Variants in CMSS1 observed in about 807,000 individuals in gnomAD.
The protein encoded by CMSS1 is protein CMSS1.
Under a neutral mutation model 43.5 loss-of-function variants are expected in CMSS1, and 33 were observed. That is an observed-to-expected ratio of 0.76 (90% confidence interval 0.57 to 1.01). The LOEUF (loss-of-function observed/expected upper bound fraction) is 1.01. Ranked by LOEUF, CMSS1 falls within the 50% of genes least tolerant of loss-of-function variation. CMSS1 has a pLI of 0.00. For missense variants in CMSS1, 313 were observed against 326.4 expected, an observed-to-expected ratio of 0.96 and a Z score of 0.32; for synonymous variants, 115 against 117.2, an observed-to-expected ratio of 0.98 and a Z score of 0.12.
intron 1 of CMSS1, chr3:99,964,518 G>C (rs182953909): frequency 6.6e-6 from 1 of 152,436 alleles, no homozygotes; most frequent in East Asian, 2.0e-4. Context: ...TAGTGAGAAA[G>C]CCTGTGCCAA....
chr3:100,083,541 C>T (rs768341173), intron 1 of CMSS1, among the ~76,000 whole-genome samples: 2 of 152,152 alleles, frequency 1.3e-5, no homozygotes, highest in Non-Finnish European at 2.9e-5. Context: ...GACATTTTCC[C>T]GTCTTGTCTC....
chr3:99,966,411 G>A (rs1708653198), intron 1 of CMSS1, among the ~76,000 whole-genome samples: 1 of 151,530 alleles, frequency 6.6e-6, no homozygotes. Flanking sequence ...TTTTTTTTCG[G>A]CTATATATAG....
intron 3 of CMSS1, among the ~76,000 whole-genome samples, chr3:100,160,989 C>G (rs2067018568): frequency 6.6e-6 from 1 of 152,182 alleles, no homozygotes; most frequent in Non-Finnish European, 1.5e-5. Context: ...GTCAAAAAAG[C>G]TCCCCTACCT....
chr3:100,141,163 G>A (rs2066801412), intron 1 of CMSS1, among the ~76,000 whole-genome samples: 1 of 144,236 alleles, frequency 6.9e-6, no homozygotes. Context: ...AGGCACATCT[G>A]TGTCATGATC....
At chr3:100,079,858 ATAAC>A (rs1487878931) in intron 1 of CMSS1, among the ~76,000 whole-genome samples, 5 of 152,222 alleles carry the variant, frequency 3.3e-5, no homozygotes, top group African/African-American at 4.8e-5. Flanking sequence ...TATTTAAAAA[ATAAC>A]TAACATAAAA....
chr3:99,835,252 T>G (rs552489218), intron 1 of CMSS1, among the ~76,000 whole-genome samples: 2 of 152,348 alleles, frequency 1.3e-5, no homozygotes, highest in African/African-American at 4.8e-5. Flanking sequence ...CACTCACATG[T>G]CCTTTATCCT....
chr3:100,168,914 TACACAC>T (rs534018826), intron 6 of CMSS1, among the ~76,000 whole-genome samples: 3 of 149,934 alleles, frequency 2.0e-5, no homozygotes, highest in Non-Finnish European at 4.5e-5. Context: ...CACATATATA[TACACAC>T]ACACACACAC....
At chr3:100,083,619 A>G (rs2065963940) in intron 1 of CMSS1, among the ~76,000 whole-genome samples, 1 of 152,196 alleles carries the variant, frequency 6.6e-6, no homozygotes, top group Non-Finnish European at 1.5e-5. Flanking sequence ...ATGCTTCTTT[A>G]TCTTGTTTGA....
At chr3:100,140,934 A>G (rs1372734955) in intron 1 of CMSS1, among the ~76,000 whole-genome samples, 1 of 152,204 alleles carries the variant, frequency 6.6e-6, no homozygotes, top group East Asian at 1.9e-4. Flanking sequence ...AAGAAAAAAC[A>G]TAGTTTCTTT....
At chr3:100,151,881 T>C (rs971337476) in intron 2 of CMSS1, among the ~76,000 whole-genome samples, 1 of 152,178 alleles carries the variant, frequency 6.6e-6, no homozygotes, top group Non-Finnish European at 1.5e-5. Context: ...CCAGGTGCAG[T>C]TGGGGCTCCT....
chr3:99,875,358 C>A (rs1705458609), intron 1 of CMSS1, among the ~76,000 whole-genome samples: 1 of 152,094 alleles, frequency 6.6e-6, no homozygotes, highest in Admixed American at 6.5e-5. Context: ...TTTAAATTGG[C>A]ATTTTTTACA....
At chr3:100,035,178 T>A (rs2065085925) in intron 1 of CMSS1, among the ~76,000 whole-genome samples, 1 of 152,240 alleles carries the variant, frequency 6.6e-6, no homozygotes, top group South Asian at 2.1e-4. Flanking sequence ...ATGAAAGCCA[T>A]CTACATTTTC....
rs570370378 is a variant in CMSS1, at chr3:100,041,839, T to A, written c.65-105134T>A. On this transcript the variant is annotated intron_variant, in intron 1 of 9. Transcript: ENST00000421999. ...GCCTTGATTTATCTCACCTTTTTCTTCTTTCAACATGAAAGTATATCACAT... is the reference window on the plus strand; with the variant it reads ...GCCTTGATTTATCTCACCTTTTTCTACTTTCAACATGAAAGTATATCACAT... Among the ~76,000 whole-genome samples the A allele has an allele frequency of 3.9e-5, 6 of 152,280 alleles. No homozygotes were observed. In the South Asian group the frequency reaches 1.2e-3, roughly 32 times the overall value.
intron 1 of CMSS1, among the ~76,000 whole-genome samples, chr3:100,132,742 C>A (rs2066719281): frequency 6.7e-6 from 1 of 149,778 alleles, no homozygotes; most frequent in Non-Finnish European, 1.5e-5. Flanking sequence ...TGGTGTGAAC[C>A]CAGGAGGTGG....
At chr3:99,917,962 TTTG>T (rs1455117550) in intron 1 of CMSS1, among the ~76,000 whole-genome samples, 1 of 151,926 alleles carries the variant, frequency 6.6e-6, no homozygotes, top group Non-Finnish European at 1.5e-5. Flanking sequence ...CCCTTGTTTG[TTTG>T]TTTTTTGTTT....
chr3:99,819,172 C>T (rs1942382882), intron 1 of CMSS1, among the ~76,000 whole-genome samples: 1 of 152,360 alleles, frequency 6.6e-6, no homozygotes, highest in Middle Eastern at 3.4e-3. Context: ...AAGCAGATGT[C>T]ATTTTTAGAA....
intron 1 of CMSS1, among the ~76,000 whole-genome samples, chr3:99,922,039 A>C (rs1707141425): frequency 6.6e-6 from 1 of 152,174 alleles, no homozygotes. Context: ...CTCTCCTCCA[A>C]TAGCCCTTCA....
At chr3:99,929,826 C>G in intron 1 of CMSS1, 3 of 1,548,578 alleles carry the variant, frequency 1.9e-6, no homozygotes, top group Non-Finnish European at 2.6e-6. Flanking sequence ...TGGCTGCCTC[C>G]CAGGTACACA....
chr3:100,008,115 G>C (rs569948371), intron 1 of CMSS1, among the ~76,000 whole-genome samples: 1 of 152,006 alleles, frequency 6.6e-6, no homozygotes, highest in Non-Finnish European at 1.5e-5. Flanking sequence ...ACAATAAATT[G>C]CTGCTGCTGT....
Sources: allele counts gnomAD v4.1 joint callset (sites outside exome capture counted in the v4.1 genomes callset), GRCh38; gene constraint gnomAD v4.1.1; transcripts MANE v1.5; gene names NCBI Gene and HGNC (gene_info 2026-07-23, HGNC 2026-07-21).